Variants in CCDC63 observed in about 807,000 individuals in gnomAD.
CCDC63 encodes coiled-coil domain-containing protein 63.
A neutral mutation model predicts 63.6 loss-of-function variants in CCDC63; 54 were observed. The ratio of observed to expected loss-of-function variants is 0.85; its 90% confidence interval spans 0.68 to 1.07. CCDC63 has a LOEUF of 1.07. Among genes scored for constraint, CCDC63 ranks in the 50% least tolerant of loss-of-function variants. The probability of loss-of-function intolerance (pLI) is 0.00; values close to 1 mark genes in which losing one functional copy is unlikely to be tolerated. For missense variants in CCDC63, 637 were observed against 689.6 expected (o/e 0.92, Z 0.86); for synonymous variants, 253 against 266.1 (o/e 0.95, Z 0.48).
chr12:110,888,275 A>G (rs1289786159), intron 8 of CCDC63, among the ~76,000 whole-genome samples: 1 of 152,230 alleles, frequency 6.6e-6, no homozygotes, highest in Non-Finnish European at 1.5e-5. Context: ...CTCGGGTCCC[A>G]GTGGGACACC....
intron 10 of CCDC63, 52 bp from the exon 11 acceptor site, chr12:110,904,536 C>T (rs758453874): frequency 6.5e-6 from 10 of 1,536,732 alleles, no homozygotes. Context: ...CCACAGTGCC[C>T]CCAGGCCCAG....
At chr12:110,852,731 G>A in intron 1 of CCDC63, 128 bp from the exon 2 acceptor site, 1 of 652,226 alleles carries the variant, frequency 1.5e-6, no homozygotes, top group Non-Finnish European at 2.7e-6. Context: ...AGCCATCTGG[G>A]TATCCTCCTC....
intron 6 of CCDC63, among the ~76,000 whole-genome samples, chr12:110,880,904 GATA>G (rs1209591689): frequency 7.6e-6 from 1 of 131,508 alleles, no homozygotes; most frequent in East Asian, 2.4e-4. Flanking sequence ...CAATGATGAT[GATA>G]ATGATGGAAA....
chr12:110,888,786 TTTCCTTCCTTCCTTCCTTCC>T (rs539750683), intron 8 of CCDC63, among the ~76,000 whole-genome samples: 3,976 of 85,554 alleles, frequency 0.046, 123 homozygotes, highest in Middle Eastern at 0.096. Flanking sequence ...TTGGTCCTTC[TTTCCTTCCTTCCTTCCTTCC>T]TTCCTTCCTT....
intron 5 of CCDC63, 21 bp downstream of exon 5, chr12:110,873,982 A>G (rs78918976): frequency 1.2e-6 from 2 of 1,601,116 alleles, no homozygotes; most frequent in African/African-American, 2.7e-5. Flanking sequence ...TGTTCTCTGC[A>G]GCTCTGCAAA....
At chr12:110,846,525 C>T (rs942948080), upstream of CCDC63, among the ~76,000 whole-genome samples, 7 of 151,954 alleles carry the variant, frequency 4.6e-5, no homozygotes, top group African/African-American at 1.7e-4. Context: ...TTTCCCCCCC[C>T]GCCCCAACAT....
intron 10 of CCDC63, among the ~76,000 whole-genome samples, chr12:110,900,040 C>G (rs1053761056): frequency 6.6e-6 from 1 of 151,930 alleles, no homozygotes; most frequent in Non-Finnish European, 1.5e-5. Context: ...ATGGTGAAAC[C>G]CTGTCTCTAC....
Position 110,890,773 on chromosome 12 carries a change from C to CTTTTTTTTTTTT in CCDC63, c.1075-2292_1075-2281dup, listed in dbSNP as rs769120162. On this transcript the variant is annotated intron_variant, in intron 8 of 11. Coordinates refer to ENST00000308208, the MANE Select transcript of CCDC63 (RefSeq NM_152591.3). Reference sequence around the variant, plus strand: ...CATCTTCTATTTTTTTCCTCCTTTTCTTTTTTTTTTTTTTTTTTTTTTGAG... The same window carrying CTTTTTTTTTTTT: ...CATCTTCTATTTTTTTCCTCCTTTTCTTTTTTTTTTTTTTTTTTTTTTTTTTTTTTTTTTGAG... 4.1e-5 allele frequency among the ~76,000 whole-genome samples: 4 copies of CTTTTTTTTTTTT among 98,400 alleles called. No homozygotes were observed. The East Asian group carries it at 8.1e-4, about 20-fold the overall frequency. 64.6% of individuals were successfully genotyped at this position (98,400 alleles called of 152,430 possible).
intron 10 of CCDC63, 122 bp downstream of exon 10, chr12:110,899,247 C>G: frequency 1.2e-6 from 1 of 812,724 alleles, no homozygotes; most frequent in Admixed American, 3.0e-5. Context: ...GGCACTAAAG[C>G]CAGCCTGCCT....
intron 9 of CCDC63, 74 bp downstream of exon 9, chr12:110,893,224 C>A: frequency 1.6e-6 from 2 of 1,267,270 alleles, no homozygotes; most frequent in South Asian, 1.2e-5. Context: ...GAGCTTCTGT[C>A]TGTCTGTCCG....
At chr12:110,874,851 C>T (rs1326141658) in intron 5 of CCDC63, among the ~76,000 whole-genome samples, 1 of 152,030 alleles carries the variant, frequency 6.6e-6, no homozygotes, top group African/African-American at 2.4e-5. Context: ...GAAGGGCAGC[C>T]CTATTCAAAA....
At chr12:110,856,558 T>A (rs188169114) in intron 3 of CCDC63, among the ~76,000 whole-genome samples, 2 of 152,188 alleles carry the variant, frequency 1.3e-5, no homozygotes, top group East Asian at 3.9e-4. Flanking sequence ...TATTTACATT[T>A]GTAATTAATT....
chr12:110,844,901 T>G, upstream of CCDC63, among the ~76,000 whole-genome samples: 1 of 152,144 alleles, frequency 6.6e-6, no homozygotes, highest in African/African-American at 2.4e-5. Context: ...GGACTGTCAG[T>G]TTTCTGGTCT....
chr12:110,854,659 A>T (rs1198743238), intron 3 of CCDC63, among the ~76,000 whole-genome samples: 1 of 152,140 alleles, frequency 6.6e-6, no homozygotes, highest in Non-Finnish European at 1.5e-5. Context: ...AACATTAAGC[A>T]GACTTTCTTA....
At chr12:110,888,824 TCC>T (rs2071319364) in intron 8 of CCDC63, among the ~76,000 whole-genome samples, 1 of 145,938 alleles carries the variant, frequency 6.9e-6, no homozygotes, top group Non-Finnish European at 1.5e-5. Context: ...CTTCCTTCCT[TCC>T]TTCCTTCCTT....
intron 10 of CCDC63, among the ~76,000 whole-genome samples, chr12:110,901,466 C>A (rs2071486524): frequency 6.6e-6 from 1 of 151,850 alleles, no homozygotes; most frequent in African/African-American, 2.4e-5. Context: ...GTACTCAAGT[C>A]ATCCCGCTGC....
At chr12:110,862,138 G>T (rs891890581) in intron 4 of CCDC63, among the ~76,000 whole-genome samples, 3 of 152,200 alleles carry the variant, frequency 2.0e-5, no homozygotes, top group African/African-American at 7.2e-5. Flanking sequence ...GACAAAGGAG[G>T]CAATAAAGGG....
At chr12:110,878,727 G>GA (rs2071163411) in intron 5 of CCDC63, among the ~76,000 whole-genome samples, 1 of 152,192 alleles carries the variant, frequency 6.6e-6, no homozygotes, top group African/African-American at 2.4e-5. Flanking sequence ...TTACGAGGTG[G>GA]TGATTTTATT....
chr12:110,864,232 T>A (rs1383248405), intron 4 of CCDC63, among the ~76,000 whole-genome samples: 1 of 152,222 alleles, frequency 6.6e-6, no homozygotes, highest in Non-Finnish European at 1.5e-5. Flanking sequence ...GACTTTTAAA[T>A]GATTGTATGA....
Sources: allele counts gnomAD v4.1 joint callset (sites outside exome capture counted in the v4.1 genomes callset), GRCh38; gene constraint gnomAD v4.1.1; transcripts MANE v1.5; gene names NCBI Gene and HGNC (gene_info 2026-07-23, HGNC 2026-07-21).